FOXP1: variants seen among roughly 807,000 people sequenced by gnomAD.
The protein encoded by FOXP1 is forkhead box P1, also known as forkhead box protein P1.
A neutral mutation model predicts 98.2 loss-of-function variants in FOXP1; 15 were observed. The observed-to-expected ratio is 0.15, with a 90% CI of 0.10 to 0.24. The LOEUF (loss-of-function observed/expected upper bound fraction) is 0.24. FOXP1 is among the 10% of genes least tolerant of loss of function. The probability of loss-of-function intolerance (pLI) is 1.00; values close to 1 mark genes in which losing one functional copy is unlikely to be tolerated. For missense variants in FOXP1, 633 were observed against 848.5 expected (o/e 0.75, Z 3.15); for synonymous variants, 371 against 314.5 (o/e 1.18, Z -1.90).
intron 2 of FOXP1, among the ~76,000 whole-genome samples, chr3:71,500,871 T>G (rs1362463788): frequency 6.6e-6 from 1 of 152,188 alleles, no homozygotes; most frequent in Non-Finnish European, 1.5e-5. Context: ...CACCGCTTCC[T>G]GCCCAGCCAA....
At chr3:71,378,191 T>TG (rs1282179416) in intron 3 of FOXP1, among the ~76,000 whole-genome samples, 1 of 52,604 alleles carries the variant, frequency 1.9e-5, no homozygotes, top group Non-Finnish European at 4.5e-5. Flanking sequence ...GACTCTTTTC[T>TG]GGGTCGCTAG....
At chr3:71,581,398 C>T (rs2048156421) in intron 2 of FOXP1, 151 bp downstream of exon 2, 2 of 985,300 alleles carry the variant, frequency 2.0e-6, no homozygotes, top group South Asian at 9.4e-5. Context: ...GAAGCACCTA[C>T]CGGCCTGAGG....
intron 10 of FOXP1, among the ~76,000 whole-genome samples, chr3:71,043,250 T>C (rs2048588069): frequency 6.6e-6 from 1 of 152,200 alleles, no homozygotes; most frequent in Admixed American, 6.5e-5. Context: ...TCTTCTCCCT[T>C]CATAAAAATC....
At chr3:71,389,516 G>A (rs1040142654) in intron 3 of FOXP1, among the ~76,000 whole-genome samples, 1 of 152,076 alleles carries the variant, frequency 6.6e-6, no homozygotes, top group African/African-American at 2.4e-5. Context: ...ATTAAATAAG[G>A]TGGAAAAAAA....
In FOXP1 at chr3:70,958,461, A is replaced by AG. The variant is rs2032389940; in HGVS notation, c.*785dup. 3 of 403,582 alleles carry AG rather than the reference A, an allele frequency of 7.4e-6. No homozygotes were observed. Among genetic ancestry groups the AG allele is most frequent in the Admixed American group, 3.4e-5 (1 of 29,490 alleles). The allele number at this position is 403,582 out of a possible 1,614,324, so 25.0% of individuals were successfully genotyped here. Reference sequence around the variant, plus strand: ...TTTAGAGAAACGTGGTGATGTCTGAAGGAAGATGGAATGAGTGACAGAAAG... The same window carrying AG: ...TTTAGAGAAACGTGGTGATGTCTGAAGGGAAGATGGAATGAGTGACAGAAAG... On this transcript the variant is annotated 3_prime_UTR_variant, in exon 21 of 21. Transcript: ENST00000649528.
intron 5 of FOXP1, among the ~76,000 whole-genome samples, chr3:71,230,301 A>G (rs1356787636): frequency 1.3e-5 from 2 of 152,214 alleles, no homozygotes; most frequent in Non-Finnish European, 1.5e-5. Context: ...CATAGAACAA[A>G]TGCAGTGAAA....
rs1405065849 is a variant in FOXP1, at chr3:71,051,231, C to CT, written c.510+1305dup. ...TTTTAGACACTTTTTAATCTGTTCC[C>CT]TTTTTTATTATAGCAGCACCCGGTA... On this transcript the variant is annotated intron_variant, in intron 9 of 20. Coordinates refer to ENST00000649528, the MANE Select transcript of FOXP1 (RefSeq NM_001349338.3). 4.6e-5 allele frequency among the ~76,000 whole-genome samples: 7 copies of CT among 152,114 alleles called. No individual in the cohort carries two copies. In the East Asian group the frequency reaches 1.2e-3, roughly 25 times the overall value.
intron 5 of FOXP1, chr3:71,245,491 C>T (rs988853648): frequency 1.3e-4 from 20 of 151,896 alleles, no homozygotes; most frequent in South Asian, 4.2e-4. Context: ...AAATAAAGAC[C>T]GTGCCAGTTT....
chr3:71,094,618 T>G (rs1480152783), intron 7 of FOXP1, among the ~76,000 whole-genome samples: 1 of 152,216 alleles, frequency 6.6e-6, no homozygotes, highest in African/African-American at 2.4e-5. Flanking sequence ...GATCATGTGC[T>G]TCCCACTAAA....
At chr3:71,145,868 G>T (rs1050425468) in intron 6 of FOXP1, among the ~76,000 whole-genome samples, 1 of 152,156 alleles carries the variant, frequency 6.6e-6, no homozygotes, top group Non-Finnish European at 1.5e-5. Flanking sequence ...AGTTTGGAAG[G>T]TTCTTTATAT....
intron 5 of FOXP1, among the ~76,000 whole-genome samples, chr3:71,257,119 T>G (rs575009140): frequency 4.6e-5 from 7 of 152,366 alleles, no homozygotes; most frequent in African/African-American, 1.7e-4. Context: ...GAACTCTTGC[T>G]GAATATAATT....
chr3:71,048,626 C>G (rs2049375586), intron 9 of FOXP1, among the ~76,000 whole-genome samples: 1 of 151,998 alleles, frequency 6.6e-6, no homozygotes, highest in African/African-American at 2.4e-5. Context: ...TGTTTTCACC[C>G]CTTCCCAAGT....
At chr3:71,550,693 A>C (rs1045761647) in intron 2 of FOXP1, among the ~76,000 whole-genome samples, 1 of 152,240 alleles carries the variant, frequency 6.6e-6, no homozygotes, top group Admixed American at 6.5e-5. Context: ...CTCCATTTTT[A>C]TTAATTCAAC....
At chr3:71,188,909 G>T (rs1259342597) in intron 6 of FOXP1, among the ~76,000 whole-genome samples, 2 of 152,086 alleles carry the variant, frequency 1.3e-5, no homozygotes, top group Non-Finnish European at 2.9e-5. Context: ...GGAACACAGG[G>T]TTACCAACCT....
intron 3 of FOXP1, among the ~76,000 whole-genome samples, chr3:71,395,596 C>T (rs2081325630): frequency 6.6e-6 from 1 of 152,072 alleles, no homozygotes; most frequent in Admixed American, 6.6e-5. Flanking sequence ...CTGCACAGCA[C>T]TTTCCTCTGA....
intron 2 of FOXP1, among the ~76,000 whole-genome samples, chr3:71,509,777 A>G (rs1173893026): frequency 1.3e-4 from 20 of 152,142 alleles, no homozygotes; most frequent in Non-Finnish European, 2.8e-4. Flanking sequence ...GCTACTCAGG[A>G]GGTTGAGGCA....
chr3:71,098,986 T>G (rs2107652495), intron 7 of FOXP1, among the ~76,000 whole-genome samples: 1 of 152,268 alleles, frequency 6.6e-6, no homozygotes, highest in Admixed American at 6.5e-5. Context: ...TCTAAGCTAT[T>G]TACAGATGTT....
intron 5 of FOXP1, among the ~76,000 whole-genome samples, chr3:71,226,564 C>G (rs2065854055): frequency 6.6e-6 from 1 of 151,674 alleles, no homozygotes; most frequent in African/African-American, 2.4e-5. Context: ...CTCTCTCTCT[C>G]TCTCTCCTGT....
chr3:71,426,431 T>G (rs1396262903), intron 3 of FOXP1, among the ~76,000 whole-genome samples: 1 of 152,128 alleles, frequency 6.6e-6, no homozygotes, highest in East Asian at 1.9e-4. Flanking sequence ...GATTTAGTAT[T>G]AGGCAAAGAG....
Sources: gnomAD v4.1 joint callset for allele counts (sites outside exome capture counted in the v4.1 genomes callset) on GRCh38, gnomAD v4.1.1 for gene constraint, MANE v1.5 for transcripts, NCBI Gene and HGNC (gene_info 2026-07-23, HGNC 2026-07-21) for gene names.